The following ABCC4 variants were observed in gnomAD, a reference collection of about 807,000 sequenced individuals.
ABCC4 encodes ATP-binding cassette sub-family C member 4.
Under a neutral mutation model 168.5 loss-of-function variants are expected in ABCC4, and 102 were observed. The observed-to-expected ratio is 0.61, with a 90% CI of 0.52 to 0.71. ABCC4 has a LOEUF of 0.71. Among genes scored for constraint, ABCC4 ranks in the 30% least tolerant of loss-of-function variants. The pLI is 0.00. For synonymous variants in ABCC4, 617 were observed against 590.7 expected (o/e 1.04, Z -0.65); for missense variants, 1,402 against 1,605.8 (o/e 0.87, Z 2.17).
intron 30 of ABCC4, among the ~76,000 whole-genome samples, chr13:95,029,769 T>G (rs2031776723): frequency 6.6e-6 from 1 of 152,232 alleles, no homozygotes; most frequent in Admixed American, 6.5e-5. Flanking sequence ...AAACACCTTA[T>G]ATTCTTTGAC....
chr13:95,246,419 G>A (rs796652649), intron 3 of ABCC4, among the ~76,000 whole-genome samples: 100 of 152,310 alleles, frequency 6.6e-4, no homozygotes, highest in Non-Finnish European at 4.4e-4. Context: ...GGGCACCACC[G>A]CCAGCCCAGG....
intron 1 of ABCC4, among the ~76,000 whole-genome samples, chr13:95,263,550 C>T (rs1042526725): frequency 5.3e-5 from 8 of 152,150 alleles, no homozygotes; most frequent in African/African-American, 1.4e-4. Context: ...AGGCCGGGCA[C>T]AGTGGCTCAC....
chr13:95,061,550 T>A (rs2033292556), intron 26 of ABCC4, among the ~76,000 whole-genome samples: 1 of 151,960 alleles, frequency 6.6e-6, no homozygotes, highest in Non-Finnish European at 1.5e-5. Context: ...GCCTGGGTTT[T>A]GCTCTTGTCT....
chr13:95,104,965 G>A (rs570199776), intron 20 of ABCC4, among the ~76,000 whole-genome samples: 2 of 152,240 alleles, frequency 1.3e-5, no homozygotes, highest in African/African-American at 4.8e-5. Flanking sequence ...GTTTCAGGAT[G>A]ATTCAAGCCC....
chr13:95,208,608 C>CTTTTTTTTTTTTT (rs58749262), intron 6 of ABCC4, among the ~76,000 whole-genome samples: 2 of 74,636 alleles, frequency 2.7e-5, no homozygotes, highest in East Asian at 9.6e-4. Context: ...AGCTGTATTT[C>CTTTTTTTTTTTTT]TTTTTTTTTT....
chr13:95,248,822 G>A (rs12855244), intron 1 of ABCC4, among the ~76,000 whole-genome samples: 10,382 of 152,156 alleles, frequency 0.068, 470 homozygotes, highest in East Asian at 0.17. Context: ...TGAGGTAGGC[G>A]GATCACTTGA....
intron 19 of ABCC4, among the ~76,000 whole-genome samples, chr13:95,120,839 G>A (rs542940464): frequency 6.6e-6 from 1 of 152,172 alleles, no homozygotes; most frequent in Non-Finnish European, 1.5e-5. Flanking sequence ...CACATGGCGG[G>A]GCACAGACTG....
chr13:95,064,928 G>A (rs554357019), intron 25 of ABCC4, among the ~76,000 whole-genome samples: 4 of 152,274 alleles, frequency 2.6e-5, no homozygotes, highest in South Asian at 2.1e-4. Context: ...TTCATAACAC[G>A]AAAGAGACAC....
Position 95,050,870 on chromosome 13 carries a change from T to C in ABCC4, c.3456+2225A>G, listed in dbSNP as rs907107977. ...CTTCACTGTTCATAGAGAAATGTGT[T>C]TCTAAAAAGTACTTTTGCTCTCTGA... On this transcript the variant is annotated intron_variant, in intron 27 of 30. Coordinates refer to ENST00000645237, the MANE Select transcript of ABCC4 (RefSeq NM_005845.5). Among the ~76,000 whole-genome samples the C allele has an allele frequency of 1.3e-5, 2 of 152,222 alleles. 1 individual carries two copies. Among genetic ancestry groups the C allele is most frequent in the African/African-American group, 4.8e-5 (2 of 41,464 alleles).
At chr13:95,087,163 A>G (rs2034284313) in intron 20 of ABCC4, among the ~76,000 whole-genome samples, 1 of 152,186 alleles carries the variant, frequency 6.6e-6, no homozygotes, top group Non-Finnish European at 1.5e-5. Flanking sequence ...AGGGTGGCAG[A>G]AGAAATTCTT....
intron 27 of ABCC4, among the ~76,000 whole-genome samples, chr13:95,048,557 A>T (rs566081817): frequency 6.6e-6 from 1 of 152,354 alleles, no homozygotes; most frequent in African/African-American, 2.4e-5. Context: ...AGTGTGAACG[A>T]AGCGAGCGGA....
At chr13:95,259,860 A>G (rs1202516913) in intron 1 of ABCC4, among the ~76,000 whole-genome samples, 4 of 151,250 alleles carry the variant, frequency 2.6e-5, no homozygotes, top group African/African-American at 9.8e-5. Flanking sequence ...TGTGGGGAAA[A>G]AAAAAAAAAA....
chr13:95,108,548 C>T lies in ABCC4; in HGVS notation c.2535+7374G>A, dbSNP rs548108078. 4.6e-5 allele frequency among the ~76,000 whole-genome samples: 7 copies of T among 152,272 alleles called. No homozygotes were observed. In the East Asian group the frequency reaches 7.7e-4, roughly 17 times the overall value. On this transcript the variant is annotated intron_variant, in intron 20 of 30. Transcript: ENST00000645237. ...CCCTTGAACATGTTCTCTTGCCTGC[C>T]GCCATGTAAGACATGCCTTTGCTCC...
chr13:95,155,389 T>C (rs1171880432), intron 19 of ABCC4, among the ~76,000 whole-genome samples: 1 of 152,080 alleles, frequency 6.6e-6, no homozygotes, highest in Non-Finnish European at 1.5e-5. Context: ...GATTTTTGAT[T>C]AGGGAACATA....
chr13:95,048,867 T>A (rs992939075), intron 27 of ABCC4, among the ~76,000 whole-genome samples: 1 of 152,238 alleles, frequency 6.6e-6, no homozygotes, highest in Non-Finnish European at 1.5e-5. Context: ...TACTGTGTGA[T>A]CTTTTGACTT....
intron 4 of ABCC4, among the ~76,000 whole-genome samples, chr13:95,212,788 C>T (rs982187084): frequency 6.6e-6 from 1 of 152,082 alleles, no homozygotes; most frequent in Non-Finnish European, 1.5e-5. Context: ...ATCAGTCATA[C>T]TCCAGATAGG....
At chr13:95,237,768 A>C (rs936975810) in intron 3 of ABCC4, among the ~76,000 whole-genome samples, 8 of 152,132 alleles carry the variant, frequency 5.3e-5, no homozygotes, top group Non-Finnish European at 1.2e-4. Context: ...GCCCAACTGC[A>C]CCATACCAGA....
chr13:95,023,229 A>G (rs1314285334), intron 30 of ABCC4, among the ~76,000 whole-genome samples: 1 of 152,196 alleles, frequency 6.6e-6, no homozygotes, highest in Admixed American at 6.6e-5. Context: ...TTAAATATAT[A>G]TAAAGAAAGT....
chr13:95,088,788 T>C (rs577252633), intron 20 of ABCC4, among the ~76,000 whole-genome samples: 2 of 151,588 alleles, frequency 1.3e-5, no homozygotes, highest in South Asian at 4.2e-4. Context: ...AAATATACCT[T>C]ACAAAGATAG....
Sources: allele counts gnomAD v4.1 joint callset (sites outside exome capture counted in the v4.1 genomes callset), GRCh38; gene constraint gnomAD v4.1.1; transcripts MANE v1.5; gene names NCBI Gene and HGNC (gene_info 2026-07-23, HGNC 2026-07-21).